DOCK4: variants seen among roughly 807,000 people sequenced by gnomAD.
DOCK4 encodes the protein dedicator of cytokinesis protein 4.
In DOCK4, 97 loss-of-function variants were observed where a neutral mutation model predicts 268.1. The observed-to-expected ratio is 0.36, with a 90% CI of 0.31 to 0.43. DOCK4 has a LOEUF of 0.43. Among genes scored for constraint, DOCK4 ranks in the 20% least tolerant of loss-of-function variants. The pLI is 1.00. For missense variants in DOCK4, 2,145 were observed against 2,455.7 expected (o/e 0.87, Z 2.67); for synonymous variants, 954 against 887.2 (o/e 1.08, Z -1.34).
In DOCK4 at chr7:112,066,684, CATATACATATATATATATATATATATAT is replaced by C. The variant is rs1807040091; in HGVS notation, c.38-62581_38-62554del. Among the ~76,000 whole-genome samples the C allele has an allele frequency of 5.1e-3, 233 of 46,116 alleles. 5 individuals are homozygous for C. Among genetic ancestry groups the C allele is most frequent in the Middle Eastern group, 0.014 (1 of 72 alleles). 30.3% of individuals were successfully genotyped at this position (46,116 alleles called of 152,430 possible). A position where few individuals can be genotyped will look rare whatever the true frequency, so the allele number is the denominator to read the frequency against. Reference sequence around the variant, plus strand: ...TTATACATATACATATACATATATACATATACATATATATATATATATATATATATATATATATATATATATATATATA... The same window carrying C: ...TTATACATATACATATACATATATACATATATATATATATATATATATATA... On this transcript the variant is annotated intron_variant, in intron 1 of 52. Transcript: ENST00000428084.
At chr7:111,877,734 G>A (rs1374392731) in intron 16 of DOCK4, among the ~76,000 whole-genome samples, 4 of 152,094 alleles carry the variant, frequency 2.6e-5, no homozygotes, top group South Asian at 2.1e-4. Context: ...CATAGAAAAC[G>A]CCAGCTAACA....
At position 112,025,365 on chromosome 7, in the gene DOCK4, C is replaced by T. The variant is rs115744790; in HGVS notation, c.38-21234G>A. The stretch of plus-strand genomic sequence containing the variant: ...ACAAGGAATACAACAGACCCAGCTT[C>T]CGATTTATACCGTGGGTTGGAGTAG... On this transcript the variant is annotated intron_variant, in intron 1 of 52. Transcript: ENST00000428084. 5.6e-3 allele frequency among the ~76,000 whole-genome samples: 852 copies of T among 152,262 alleles called. 10 individuals carry two copies. Among genetic ancestry groups the T allele is most frequent in the African/African-American group, 0.019 (794 of 41,550 alleles).
intron 30 of DOCK4, among the ~76,000 whole-genome samples, chr7:111,795,390 G>C (rs1317035376): frequency 6.6e-6 from 1 of 152,160 alleles, no homozygotes; most frequent in Non-Finnish European, 1.5e-5. Context: ...AACAATCTGT[G>C]GCTCTGAGCG....
At chr7:112,038,786 T>C (rs1804081962) in intron 1 of DOCK4, among the ~76,000 whole-genome samples, 2 of 152,200 alleles carry the variant, frequency 1.3e-5, no homozygotes, top group Admixed American at 1.3e-4. Flanking sequence ...AACATAACCT[T>C]TGGAGCCAGC....
intron 1 of DOCK4, among the ~76,000 whole-genome samples, chr7:112,033,435 C>T (rs972094566): frequency 6.6e-6 from 1 of 152,196 alleles, no homozygotes; most frequent in Non-Finnish European, 1.5e-5. Flanking sequence ...GCCTTTTATT[C>T]TAACAGCACA....
chr7:112,027,675 G>A lies in DOCK4; in HGVS notation c.38-23544C>T, dbSNP rs575740082. ...ACTTAATTAAGTGGAAGACTCACGTGCTAAGAAACTGGGCTGCATCAAAGA... is the reference window on the plus strand; with the variant it reads ...ACTTAATTAAGTGGAAGACTCACGTACTAAGAAACTGGGCTGCATCAAAGA... On this transcript the variant is annotated intron_variant, in intron 1 of 52. Coordinates refer to ENST00000428084, the MANE Select transcript of DOCK4 (RefSeq NM_001363540.2). 1.5e-3 allele frequency among the ~76,000 whole-genome samples: 221 copies of A among 152,336 alleles called. 1 individual carries two copies. The highest frequency in any genetic ancestry group is 5.0e-3 in the African/African-American group (208 of 41,570).
intron 8 of DOCK4, among the ~76,000 whole-genome samples, chr7:111,957,530 T>G (rs1032340421): frequency 1.2e-4 from 18 of 152,302 alleles, no homozygotes; most frequent in African/African-American, 4.1e-4. Flanking sequence ...ATTTTGAACA[T>G]CAGTAGACTA....
chr7:111,757,253 T>C (rs544649277), intron 41 of DOCK4, among the ~76,000 whole-genome samples: 3 of 151,972 alleles, frequency 2.0e-5, no homozygotes, highest in South Asian at 2.1e-4. Flanking sequence ...TTTAGGGAGA[T>C]TGCTGCGCCA....
chr7:112,201,284 G>T (rs144284491), intron 1 of DOCK4, among the ~76,000 whole-genome samples: 1 of 152,144 alleles, frequency 6.6e-6, no homozygotes, highest in African/African-American at 2.4e-5. Context: ...ACCCAGATGA[G>T]TTCAAAAACT....
chr7:111,981,235 C>T (rs1288727516), intron 7 of DOCK4, among the ~76,000 whole-genome samples: 1 of 152,172 alleles, frequency 6.6e-6, no homozygotes, highest in African/African-American at 2.4e-5. Context: ...CCCAAAGTGA[C>T]AATAAATTGC....
Position 111,785,228 on chromosome 7 carries a change from G to A in DOCK4, c.3402-1105C>T, listed in dbSNP as rs78168574. ...ATCTGCCCTGACCAGTCCTGCAAGC[G>A]AAGGTCCCCTAGTTTGTTTAAAATG... On this transcript the variant is annotated intron_variant, in intron 32 of 52. Transcript: ENST00000428084. 7.1e-3 allele frequency among the ~76,000 whole-genome samples: 1,079 copies of A among 152,236 alleles called. 11 individuals are homozygous for A. The highest frequency in any genetic ancestry group is 0.011 in the Non-Finnish European group (740 of 68,026).
At chr7:111,953,021 T>C (rs1181006933) in intron 8 of DOCK4, among the ~76,000 whole-genome samples, 3 of 151,142 alleles carry the variant, frequency 2.0e-5, no homozygotes, top group Admixed American at 6.6e-5. Flanking sequence ...AGCCTCGGAG[T>C]TCAAGATCAG....
At chr7:111,992,646 C>G (rs897375798) in intron 5 of DOCK4, among the ~76,000 whole-genome samples, 5 of 152,268 alleles carry the variant, frequency 3.3e-5, no homozygotes, top group Non-Finnish European at 7.4e-5. Context: ...AAACCTCGAA[C>G]ACAGGTAAAA....
chr7:112,154,300 AAAG>A (rs1360073001), intron 1 of DOCK4, among the ~76,000 whole-genome samples: 11 of 152,240 alleles, frequency 7.2e-5, no homozygotes, highest in African/African-American at 2.6e-4. Flanking sequence ...TTTTAGATGA[AAAG>A]AATAAGTAAT....
chr7:112,147,068 C>T (rs1291311829), intron 1 of DOCK4, among the ~76,000 whole-genome samples: 2 of 151,970 alleles, frequency 1.3e-5, no homozygotes, highest in African/African-American at 2.4e-5. Flanking sequence ...CTAGGGAACA[C>T]TTTGTTATAT....
chr7:111,788,604 C>T, intron 32 of DOCK4, 58 bp downstream of exon 32: 2 of 1,405,238 alleles, frequency 1.4e-6, no homozygotes, highest in Non-Finnish European at 2.0e-6. Context: ...CAGAGAGGCT[C>T]AGTACTGACA....
chr7:111,831,133 G>A (rs768124979), intron 26 of DOCK4, among the ~76,000 whole-genome samples: 2 of 152,026 alleles, frequency 1.3e-5, no homozygotes, highest in Non-Finnish European at 2.9e-5. Flanking sequence ...CCATCTGAAT[G>A]TCCCTCAGGT....
intron 12 of DOCK4, among the ~76,000 whole-genome samples, chr7:111,933,706 AG>A (rs1794462408): frequency 6.6e-6 from 1 of 152,118 alleles, no homozygotes; most frequent in Non-Finnish European, 1.5e-5. Flanking sequence ...TGCCCTCAAT[AG>A]TAAGTGCTCC....
chr7:111,954,832 C>T lies in DOCK4; in HGVS notation c.702-9034G>A, dbSNP rs113878380. ...CTGCCTTGTGTTGTTTGTTGGCGTG[C>T]TCTCAGGGTTCGAACCGATACAAAG... On this transcript the variant is annotated intron_variant, in intron 8 of 52. Transcript: ENST00000428084. Among the ~76,000 whole-genome samples the T allele has an allele frequency of 2.3e-3, 346 of 152,232 alleles. 2 individuals carry two copies. The highest frequency in any genetic ancestry group is 7.8e-3 in the African/African-American group (325 of 41,530).
Sources: gnomAD v4.1 joint callset for allele counts (sites outside exome capture counted in the v4.1 genomes callset) on GRCh38, gnomAD v4.1.1 for gene constraint, MANE v1.5 for transcripts, NCBI Gene and HGNC (gene_info 2026-07-23, HGNC 2026-07-21) for gene names.